GMDS: variants seen among roughly 807,000 people sequenced by gnomAD.
GMDS encodes the protein GDP-mannose 4,6-dehydratase, also known as GDP-mannose 4,6 dehydratase.
A neutral mutation model predicts 49.9 loss-of-function variants in GMDS; 20 were observed. That is an observed-to-expected ratio of 0.40 (90% CI 0.28 to 0.58). GMDS has a LOEUF of 0.58. Ranked by LOEUF, GMDS falls within the 20% of genes least tolerant of loss-of-function variation. GMDS has a pLI of 0.42. For missense variants in GMDS, 362 were observed against 481.4 expected, an observed-to-expected ratio of 0.75 and a Z score of 2.32; for synonymous variants, 177 against 178.6, an observed-to-expected ratio of 0.99 and a Z score of 0.07.
rs541023732 is a variant in GMDS at position 2,209,492 on chromosome 6, C to T, written c.102+35829G>A. ...GCCTTGACCACAGTGGGTACTCACA[C>T]ACCTGCTGTCAGTTTTCAAGTGCCA... On this transcript the variant is annotated intron_variant, in intron 1 of 10. Transcript: ENST00000380815. Among the ~76,000 whole-genome samples, 7 of 152,272 alleles carry T rather than the reference C, an allele frequency of 4.6e-5. No individual in the cohort carries two copies. The South Asian group carries it at 1.5e-3, about 32-fold the overall frequency.
chr6:1,916,645 T>C (rs1051409849), intron 7 of GMDS, among the ~76,000 whole-genome samples: 1 of 152,190 alleles, frequency 6.6e-6, no homozygotes, highest in Non-Finnish European at 1.5e-5. Flanking sequence ...CAGTGTAATT[T>C]CTTTGAGCCC....
At chr6:1,802,516 C>T (rs1408891947) in intron 7 of GMDS, among the ~76,000 whole-genome samples, 2 of 152,184 alleles carry the variant, frequency 1.3e-5, no homozygotes, top group African/African-American at 4.8e-5. Flanking sequence ...CATAATTTCA[C>T]GCCTAATTTA....
chr6:2,215,136 T>A (rs1461059426), intron 1 of GMDS, among the ~76,000 whole-genome samples: 3 of 151,924 alleles, frequency 2.0e-5, no homozygotes, highest in Non-Finnish European at 4.4e-5. Context: ...AAATTCAGAC[T>A]ATGGAAGAAA....
intron 4 of GMDS, among the ~76,000 whole-genome samples, chr6:2,005,507 T>G (rs1767104974): frequency 6.6e-6 from 1 of 152,190 alleles, no homozygotes; most frequent in Admixed American, 6.5e-5. Flanking sequence ...TTTAACAGTT[T>G]TCGTTTCTGC....
chr6:1,921,722 G>A (rs1761724485), intron 7 of GMDS, among the ~76,000 whole-genome samples: 1 of 152,120 alleles, frequency 6.6e-6, no homozygotes, highest in Non-Finnish European at 1.5e-5. Flanking sequence ...CAAGGCCCTT[G>A]AATTGCCTTT....
At chr6:1,958,588 T>C (rs1052533580) in intron 6 of GMDS, among the ~76,000 whole-genome samples, 2 of 152,148 alleles carry the variant, frequency 1.3e-5, no homozygotes, top group Non-Finnish European at 2.9e-5. Context: ...TAACAGCCCA[T>C]CATGGGAATT....
chr6:1,885,010 G>C (rs1759533833), intron 7 of GMDS, among the ~76,000 whole-genome samples: 1 of 152,200 alleles, frequency 6.6e-6, no homozygotes, highest in Admixed American at 6.5e-5. Context: ...AGTGAAAAAT[G>C]AATGTAGCAC....
intron 7 of GMDS, among the ~76,000 whole-genome samples, chr6:1,853,119 C>A (rs1192237134): frequency 6.6e-6 from 1 of 152,084 alleles, no homozygotes; most frequent in South Asian, 2.1e-4. Flanking sequence ...TTTCCCCTTT[C>A]CTACTCACTA....
chr6:1,624,075 G>A lies in GMDS; in HGVS notation c.*94C>T, dbSNP rs911372446. The A allele has an allele frequency of 3.2e-5, 37 of 1,163,604 alleles. No homozygotes were observed. The highest frequency in any genetic ancestry group is 4.4e-5 in the Non-Finnish European group (35 of 802,892). 72.1% of individuals were successfully genotyped at this position (1,163,604 alleles called of 1,614,324 possible). On this transcript the variant is annotated 3_prime_UTR_variant, in exon 11 of 11. Transcript: ENST00000380815. ...CAGCAGGGGCCGCAGGGGACCCGCA[G>A]ATTGGCACGCCGCTCCCCATCCCCG...
At chr6:1,909,938 C>T (rs17772389) in intron 7 of GMDS, among the ~76,000 whole-genome samples, 11,859 of 152,106 alleles carry the variant, frequency 0.078, 537 homozygotes, top group South Asian at 0.15. Context: ...AAGCAAACTC[C>T]CGATCAAGAT....
chr6:2,110,451 T>C (rs1774483531), intron 4 of GMDS, among the ~76,000 whole-genome samples: 1 of 152,074 alleles, frequency 6.6e-6, no homozygotes, highest in Admixed American at 6.5e-5. Context: ...CCCACCTCCA[T>C]TCCTTTAACT....
rs1415495563 is a variant in GMDS, at chr6:1,624,248, G to A, written c.1057-17C>T. 2 of 1,609,572 alleles carry A rather than the reference G, an allele frequency of 1.2e-6. No individual in the cohort carries two copies. Among genetic ancestry groups the A allele is most frequent in the Non-Finnish European group, 8.5e-7 (1 of 1,178,516 alleles). ...CACCAGCTCCTGCAACACAGGGGTG[G>A]GCGTGAGGGAGGAGCTTCTGCCACT... On this transcript the variant is annotated splice_polypyrimidine_tract_variant and intron_variant, in intron 10 of 10. Transcript: ENST00000380815.
intron 1 of GMDS, among the ~76,000 whole-genome samples, chr6:2,205,734 A>C (rs757839399): frequency 1.3e-5 from 2 of 150,734 alleles, no homozygotes; most frequent in Non-Finnish European, 3.0e-5. Flanking sequence ...TACAAGTTGG[A>C]CTCTTTTTCA....
At chr6:1,962,469 C>A (rs938316085) in intron 4 of GMDS, among the ~76,000 whole-genome samples, 1 of 152,168 alleles carries the variant, frequency 6.6e-6, no homozygotes, top group African/African-American at 2.4e-5. Context: ...TGAAGAACTA[C>A]CAGACCATTT....
intron 1 of GMDS, chr6:2,175,913 G>T: frequency 8.2e-7 from 1 of 1,213,632 alleles, no homozygotes; most frequent in Non-Finnish European, 1.2e-6. Context: ...CATTTTATAA[G>T]GTAATACTAT....
At chr6:1,681,824 T>C (rs1209886935) in intron 9 of GMDS, among the ~76,000 whole-genome samples, 1 of 152,196 alleles carries the variant, frequency 6.6e-6, no homozygotes, top group Admixed American at 6.5e-5. Flanking sequence ...GCCTCCTGAG[T>C]AGATGGGACT....
intron 1 of GMDS, among the ~76,000 whole-genome samples, chr6:2,202,308 G>A (rs1779582100): frequency 6.7e-6 from 1 of 149,778 alleles, no homozygotes; most frequent in African/African-American, 2.5e-5. Flanking sequence ...TTAGCAGAGA[G>A]GCGAAGGATG....
At chr6:2,099,124 C>A (rs1562052909) in intron 4 of GMDS, among the ~76,000 whole-genome samples, 1 of 152,052 alleles carries the variant, frequency 6.6e-6, no homozygotes, top group Non-Finnish European at 1.5e-5. Flanking sequence ...ACTATTTTTA[C>A]ATTATAAACT....
chr6:1,925,519 A>T (rs1761952557), intron 7 of GMDS, among the ~76,000 whole-genome samples: 1 of 152,220 alleles, frequency 6.6e-6, no homozygotes. Flanking sequence ...AAAAATCAAG[A>T]TAAAACAGCT....
Sources: allele counts gnomAD v4.1 joint callset (sites outside exome capture counted in the v4.1 genomes callset), GRCh38; gene constraint gnomAD v4.1.1; transcripts MANE v1.5; gene names NCBI Gene and HGNC (gene_info 2026-07-23, HGNC 2026-07-21).